Variants in CTBP2 observed in about 807,000 individuals in gnomAD.
CTBP2 encodes C-terminal binding protein 2, also known as C-terminal-binding protein 2.
In CTBP2, 30 loss-of-function variants were observed where a neutral mutation model predicts 80.3. The observed-to-expected ratio is 0.37, with a 90% CI of 0.28 to 0.51. CTBP2 has a LOEUF of 0.51. Ranked by LOEUF, CTBP2 falls within the 20% of genes least tolerant of loss-of-function variation. CTBP2 has a pLI of 0.93. For missense variants in CTBP2, 1,212 were observed against 1,375.3 expected (o/e 0.88, Z 1.88); for synonymous variants, 594 against 587.4 (o/e 1.01, Z -0.16).
chr10:125,037,411 G>C (rs760106813), intron 3 of CTBP2, among the ~76,000 whole-genome samples: 6 of 152,138 alleles, frequency 3.9e-5, no homozygotes, highest in African/African-American at 7.2e-5. Context: ...GCTGAGTCAC[G>C]AGCGTGTTCC....
chr10:125,079,767 A>G (rs560424730), intron 2 of CTBP2, among the ~76,000 whole-genome samples: 11 of 152,280 alleles, frequency 7.2e-5, no homozygotes, highest in Non-Finnish European at 1.0e-4. Context: ...CACGCTTAGG[A>G]CAAGTGACTA....
At chr10:125,045,040 GGATTCGTGA>G (rs1471275135) in intron 2 of CTBP2, among the ~76,000 whole-genome samples, 1 of 152,198 alleles carries the variant, frequency 6.6e-6, no homozygotes, top group Non-Finnish European at 1.5e-5. Context: ...GCTGAATGCT[GGATTCGTGA>G]ATGTGCAAAC....
intron 1 of CTBP2, among the ~76,000 whole-genome samples, chr10:125,013,480 C>T (rs12781214): frequency 0.092 from 13,965 of 152,204 alleles, 768 homozygotes; most frequent in South Asian, 0.24. Context: ...AATAAAATCA[C>T]CTATGCACCA....
intron 2 of CTBP2, among the ~76,000 whole-genome samples, chr10:125,050,849 C>T (rs971959683): frequency 1.3e-5 from 2 of 152,190 alleles, no homozygotes; most frequent in Non-Finnish European, 2.9e-5. Flanking sequence ...GACAAGGCTC[C>T]TGATGAGAAT....
At chr10:125,031,539 C>CCCCT (rs1469377002), upstream of CTBP2, among the ~76,000 whole-genome samples, 1 of 149,916 alleles carries the variant, frequency 6.7e-6, no homozygotes, top group African/African-American at 2.5e-5. Flanking sequence ...AACCCCCTAC[C>CCCCT]CCCTGCCCCC....
At chr10:125,151,466 G>A (rs2133407544) in intron 1 of CTBP2, among the ~76,000 whole-genome samples, 1 of 152,328 alleles carries the variant, frequency 6.6e-6, no homozygotes, top group Middle Eastern at 3.4e-3. Context: ...AAAACACCCA[G>A]ATTCGAAGGT....
At chr10:125,124,683 T>G (rs1854922772) in intron 1 of CTBP2, among the ~76,000 whole-genome samples, 5 of 152,222 alleles carry the variant, frequency 3.3e-5, no homozygotes, top group Admixed American at 3.3e-4. Flanking sequence ...AATTATATTC[T>G]ACATACATTA....
chr10:125,115,632 G>C (rs761863293), intron 1 of CTBP2, among the ~76,000 whole-genome samples: 5 of 152,184 alleles, frequency 3.3e-5, no homozygotes, highest in Non-Finnish European at 7.3e-5. Context: ...CTCCAGACAT[G>C]TCTCCAGGCT....
chr10:125,073,440 C>T (rs1023678999), intron 2 of CTBP2, among the ~76,000 whole-genome samples: 2 of 152,232 alleles, frequency 1.3e-5, no homozygotes, highest in Admixed American at 6.5e-5. Flanking sequence ...GACAGGGCTT[C>T]ACCATGTTGG....
chr10:125,130,035 TTCTC>T (rs954898582), intron 1 of CTBP2, among the ~76,000 whole-genome samples: 8 of 101,674 alleles, frequency 7.9e-5, no homozygotes, highest in African/African-American at 2.7e-4. Flanking sequence ...CCCACAGGAT[TTCTC>T]TCTTTTTTTT....
chr10:124,997,667 A>C, intron 4 of CTBP2: 1 of 458,160 alleles, frequency 2.2e-6, no homozygotes, highest in Non-Finnish European at 4.0e-6. Context: ...TGCCCAGGGA[A>C]ATTTACTGGG....
intron 2 of CTBP2, among the ~76,000 whole-genome samples, chr10:125,105,859 C>T (rs1851369629): frequency 6.6e-6 from 1 of 152,244 alleles, no homozygotes; most frequent in South Asian, 2.1e-4. Flanking sequence ...AAGCTCACTT[C>T]CCTGCCTACT....
chr10:125,061,405 C>CA (rs1207000913), intron 2 of CTBP2, among the ~76,000 whole-genome samples: 1 of 152,116 alleles, frequency 6.6e-6, no homozygotes, highest in African/African-American at 2.4e-5. Flanking sequence ...CCCTGCTCCA[C>CA]ACCCCTAGCT....
intron 3 of CTBP2, among the ~76,000 whole-genome samples, chr10:125,033,503 G>A (rs548388482): frequency 1.3e-5 from 2 of 152,344 alleles, no homozygotes; most frequent in African/African-American, 2.4e-5. Flanking sequence ...GCAAGAAGCC[G>A]GCAGCAAAAT....
chr10:125,013,588 C>T (rs1444754730), intron 1 of CTBP2, among the ~76,000 whole-genome samples: 1 of 152,186 alleles, frequency 6.6e-6, no homozygotes, highest in Admixed American at 6.5e-5. Context: ...CCATGGAATA[C>T]AGCCTGTCCC....
At chr10:125,062,590 G>A (rs1965189176) in intron 2 of CTBP2, among the ~76,000 whole-genome samples, 1 of 152,184 alleles carries the variant, frequency 6.6e-6, no homozygotes, top group Non-Finnish European at 1.5e-5. Flanking sequence ...GGGACCGGGT[G>A]CGGTAGCTCA....
chr10:125,042,742 C>T (rs916995754), intron 2 of CTBP2, among the ~76,000 whole-genome samples: 1 of 152,178 alleles, frequency 6.6e-6, no homozygotes, highest in African/African-American at 2.4e-5. Context: ...CCTGCCTTTC[C>T]TTTGACACCC....
rs1253766043 is a variant in CTBP2, at chr10:125,136,573, GGAAA to G, written c.-206+23742_-206+23745del. On this transcript the variant is annotated intron_variant, in intron 1 of 10. Transcript: ENST00000337195. ...GGGACAAGGTACTGTGGAGGATGTG[GGAAA>G]GAAAGAAAATGAACCCCATGGAGCC... Among the ~76,000 whole-genome samples, 6 of 152,212 alleles carry G rather than the reference GGAAA, an allele frequency of 3.9e-5. No homozygotes were observed. In the East Asian group the frequency reaches 1.2e-3, roughly 29 times the overall value.
intron 2 of CTBP2, among the ~76,000 whole-genome samples, chr10:125,095,702 C>G (rs1039580473): frequency 2.0e-5 from 3 of 152,208 alleles, no homozygotes; most frequent in Admixed American, 2.0e-4. Flanking sequence ...TTGTGATGTC[C>G]TGACCTCAAA....
Sources: allele counts gnomAD v4.1 joint callset (sites outside exome capture counted in the v4.1 genomes callset), GRCh38; gene constraint gnomAD v4.1.1; transcripts MANE v1.5; gene names NCBI Gene and HGNC (gene_info 2026-07-23, HGNC 2026-07-21).